Variants in CCDC171 observed in about 807,000 individuals in gnomAD.
CCDC171 encodes the protein coiled-coil domain-containing protein 171.
Under a neutral mutation model 168.2 loss-of-function variants are expected in CCDC171, and 177 were observed. The ratio of observed to expected loss-of-function variants is 1.05; its 90% CI spans 0.93 to 1.19. The LOEUF (loss-of-function observed/expected upper bound fraction) is 1.19. CCDC171 is among the 50% of genes most tolerant of loss of function. CCDC171 has a pLI of 0.00. For synonymous variants in CCDC171, 687 were observed against 540.8 expected (o/e 1.27, Z -3.75); for missense variants, 1,991 against 1,539.0 (o/e 1.29, Z -4.91).
intron 23 of CCDC171, among the ~76,000 whole-genome samples, chr9:15,871,517 C>G (rs2131179301): frequency 6.6e-6 from 1 of 151,834 alleles, no homozygotes; most frequent in South Asian, 2.1e-4. Context: ...TACTTCAAAA[C>G]TTTTTTTGAC....
chr9:15,936,640 C>T (rs1827151345), intron 25 of CCDC171, among the ~76,000 whole-genome samples: 1 of 151,984 alleles, frequency 6.6e-6, no homozygotes, highest in Non-Finnish European at 1.5e-5. Flanking sequence ...TACTGCCTCC[C>T]CACCTCCCCT....
At chr9:15,631,927 T>C (rs1207239828) in intron 7 of CCDC171, among the ~76,000 whole-genome samples, 3 of 152,194 alleles carry the variant, frequency 2.0e-5, no homozygotes, top group Admixed American at 6.5e-5. Flanking sequence ...AACCACATGA[T>C]TATCTCAATA....
chr9:16,027,449 A>G (rs1181170670), intron 6 of CCDC171, among the ~76,000 whole-genome samples: 8 of 152,236 alleles, frequency 5.3e-5, no homozygotes, highest in African/African-American at 1.9e-4. Flanking sequence ...TCTCAAAACT[A>G]TGCTGACTCA....
intron 7 of CCDC171, 21 bp downstream of exon 7, chr9:15,623,434 A>G (rs748118674): frequency 3.9e-6 from 6 of 1,541,292 alleles, no homozygotes; most frequent in Non-Finnish European, 5.3e-6. Context: ...TCATTCCTTT[A>G]TAATATATAT....
At chr9:15,775,038 G>A (rs1276335104) in intron 18 of CCDC171, among the ~76,000 whole-genome samples, 2 of 152,016 alleles carry the variant, frequency 1.3e-5, no homozygotes, top group Non-Finnish European at 2.9e-5. Flanking sequence ...CCAGAATTTC[G>A]GAAATCACCA....
intron 21 of CCDC171, among the ~76,000 whole-genome samples, chr9:15,841,204 A>C (rs2060666673): frequency 1.3e-5 from 2 of 152,128 alleles, no homozygotes; most frequent in Non-Finnish European, 2.9e-5. Context: ...CTTCTTTGTT[A>C]ATTTCCTTTT....
chr9:15,975,720 C>G (rs913110586), downstream of CCDC171, among the ~76,000 whole-genome samples: 4 of 152,124 alleles, frequency 2.6e-5, no homozygotes, highest in African/African-American at 9.7e-5. Flanking sequence ...AAAGCATTCA[C>G]TTGTGTAACT....
In CCDC171 at chr9:15,992,658, T is replaced by C. The variant is rs180943847; in HGVS notation, n.369-27931T>C. 1.7e-3 allele frequency among the ~76,000 whole-genome samples: 255 copies of C among 152,256 alleles called. 2 individuals are homozygous for C. Among genetic ancestry groups the C allele is most frequent in the African/African-American group, 5.7e-3 (235 of 41,566 alleles). On this transcript the variant is annotated intron_variant and non_coding_transcript_variant, in intron 3 of 9. Transcript: ENST00000486641. ...ACGAAAAGAGGAAGTCAAATTGTCC[T>C]TGTTTGCAGATGACATGATTGTATA...
At chr9:15,846,279 C>G (rs569873998) in intron 21 of CCDC171, among the ~76,000 whole-genome samples, 1 of 152,052 alleles carries the variant, frequency 6.6e-6, no homozygotes, top group Non-Finnish European at 1.5e-5. Context: ...CTATCATTTT[C>G]TCAATCACAT....
At position 15,643,632 on chromosome 9, in the gene CCDC171, C is replaced by T. The variant is rs77765135; in HGVS notation, c.823-13495C>T. Among the ~76,000 whole-genome samples the T allele has an allele frequency of 9.7e-3, 1,470 of 152,286 alleles. 27 individuals are homozygous for T. Among genetic ancestry groups the T allele is most frequent in the African/African-American group, 0.034 (1,403 of 41,564 alleles). On this transcript the variant is annotated intron_variant, in intron 7 of 25. Coordinates refer to ENST00000380701, the MANE Select transcript of CCDC171 (RefSeq NM_173550.4). ...CAATTCAATGCTTTTAATATATTCACTATACTGTGCAACTATTACCACTAT... is the reference window on the plus strand; with the variant it reads ...CAATTCAATGCTTTTAATATATTCATTATACTGTGCAACTATTACCACTAT...
intron 25 of CCDC171, among the ~76,000 whole-genome samples, chr9:15,943,212 G>T (rs1337864895): frequency 1.3e-5 from 2 of 151,996 alleles, no homozygotes. Flanking sequence ...AGTTCGCATG[G>T]TGGCAGTGTG....
intron 3 of CCDC171, among the ~76,000 whole-genome samples, chr9:15,993,738 A>T (rs1054783641): frequency 6.6e-6 from 1 of 152,250 alleles, no homozygotes; most frequent in Admixed American, 6.5e-5. Flanking sequence ...GAACTCAAAC[A>T]AATTTACAAG....
intron 21 of CCDC171, among the ~76,000 whole-genome samples, chr9:15,844,771 A>C (rs551555010): frequency 6.6e-6 from 1 of 152,208 alleles, no homozygotes; most frequent in Admixed American, 6.6e-5. Context: ...TAGAAATTCT[A>C]ATGTTATGAG....
intron 4 of CCDC171, among the ~76,000 whole-genome samples, chr9:15,580,078 C>G (rs1304308709): frequency 6.6e-6 from 1 of 152,080 alleles, no homozygotes; most frequent in Non-Finnish European, 1.5e-5. Context: ...TACTTACAGC[C>G]AACTGATCTT....
rs77577033 is a variant in CCDC171 at position 16,032,200 on chromosome 9, G to A, written n.999-3257G>A. Among the ~76,000 whole-genome samples, 242 of 152,290 alleles carry A rather than the reference G, an allele frequency of 1.6e-3. 2 individuals carry two copies. The East Asian group carries it at 0.035, about 22-fold the overall frequency. ...GGTAGGATGCTGCCAACATTCAAGC[G>A]GGAAGGGCCCTGCTCTGGAATGAGC... On this transcript the variant is annotated intron_variant and non_coding_transcript_variant, in intron 6 of 9. Coordinates refer to the CCDC171 transcript ENST00000486641.
At chr9:15,940,806 G>C (rs1827625431) in intron 25 of CCDC171, among the ~76,000 whole-genome samples, 1 of 151,852 alleles carries the variant, frequency 6.6e-6, no homozygotes, top group South Asian at 2.1e-4. Context: ...AGAATTACTT[G>C]AGTCTGAGAG....
At chr9:15,903,415 C>A (rs1327944442) in intron 24 of CCDC171, among the ~76,000 whole-genome samples, 3 of 152,200 alleles carry the variant, frequency 2.0e-5, no homozygotes, top group African/African-American at 7.2e-5. Context: ...GATACCCAGG[C>A]AAACAGGATC....
chr9:16,064,348 C>T (rs1179582542), downstream of CCDC171, among the ~76,000 whole-genome samples: 2 of 151,956 alleles, frequency 1.3e-5, no homozygotes, highest in African/African-American at 2.4e-5. Context: ...TCTTCCAGCT[C>T]GGTAGACAGT....
intron 3 of CCDC171, among the ~76,000 whole-genome samples, chr9:16,017,511 A>G (rs947288718): frequency 6.6e-6 from 1 of 152,152 alleles, no homozygotes; most frequent in Non-Finnish European, 1.5e-5. Flanking sequence ...TAAAGCTAGA[A>G]TTCTAAGAAG....
Sources: allele counts gnomAD v4.1 joint callset (sites outside exome capture counted in the v4.1 genomes callset), GRCh38; gene constraint gnomAD v4.1.1; transcripts MANE v1.5; gene names NCBI Gene and HGNC (gene_info 2026-07-23, HGNC 2026-07-21).